Variants in MTNR1B observed in about 807,000 individuals in gnomAD.
MTNR1B encodes the protein melatonin receptor type 1B.
A neutral mutation model predicts 7.0 loss-of-function variants in MTNR1B; 7 were observed. The observed-to-expected ratio is 1.00, with a 90% CI of 0.57 to 1.88. The LOEUF is 1.88. MTNR1B is among the 40% of genes most tolerant of loss of function. The pLI is 0.00. For synonymous variants in MTNR1B, 226 were observed against 208.2 expected, an observed-to-expected ratio of 1.09 and a Z score of -0.74; for missense variants, 478 against 486.5, an observed-to-expected ratio of 0.98 and a Z score of 0.16.
downstream of MTNR1B, among the ~76,000 whole-genome samples, chr11:92,984,053 G>T (rs569218904): frequency 1.1e-4 from 17 of 152,260 alleles, no homozygotes; most frequent in South Asian, 3.5e-3. Context: ...GGAATATGTG[G>T]CAGGGACAAA....
chr11:92,972,379 T>C (rs1278151127), intron 1 of MTNR1B: 1 of 455,930 alleles, frequency 2.2e-6, no homozygotes, highest in Admixed American at 2.4e-5. Context: ...AGTTCCTCTA[T>C]GGAGCAGATC....
At position 92,981,924 on chromosome 11, in the gene MTNR1B, C is replaced by A. The variant is rs201744782; in HGVS notation, c.701C>A (p.Ala234Asp). The change falls in exon 2 of 2, where the codon GCC becomes GAC. Residue 234 changes from alanine to aspartate, a missense_variant. By Grantham distance (126) the Ala-to-Asp change is moderately radical. Transcript: ENST00000257068. ...CTGGTGCTTCAGGCCCGCAGGAAAG[C>A]CAAGCCAGAGAGCAGGCTGTGCCTG... ...WVLVLQARRK[A>D]KPESRLCLKP... The A allele has an allele frequency of 6.2e-7, 1 of 1,614,216 alleles. No individual in the cohort carries two copies. The highest frequency in any genetic ancestry group is 2.2e-5 in the East Asian group (1 of 44,874).
chr11:92,975,568 G>T (rs1857998688), intron 1 of MTNR1B, among the ~76,000 whole-genome samples: 1 of 152,192 alleles, frequency 6.6e-6, no homozygotes, highest in African/African-American at 2.4e-5. Context: ...GTAACTGCCT[G>T]GGAGGTTCCT....
At chr11:92,979,905 C>T (rs1415551382) in intron 1 of MTNR1B, among the ~76,000 whole-genome samples, 2 of 152,130 alleles carry the variant, frequency 1.3e-5, no homozygotes, top group Admixed American at 1.3e-4. Flanking sequence ...TTTTCCTACC[C>T]TTGTGGGTGA....
At position 92,982,408 on chromosome 11, in the gene MTNR1B, C is replaced by T. The variant is rs1858127532; in HGVS notation, c.*96C>T. ...AGACCAGGCAGCCTGCTGGGCCACACTGTCCTGTTGGCATCACAGCCCCAA... is the reference window on the plus strand; with the variant it reads ...AGACCAGGCAGCCTGCTGGGCCACATTGTCCTGTTGGCATCACAGCCCCAA... On this transcript the variant is annotated 3_prime_UTR_variant, in exon 2 of 2. Coordinates refer to ENST00000257068, the MANE Select transcript of MTNR1B (RefSeq NM_005959.5). The T allele has an allele frequency of 7.1e-7, 1 of 1,416,526 alleles. No individual in the cohort carries two copies. The allele number at this position is 1,416,526 out of a possible 1,614,324, so 87.7% of individuals were successfully genotyped here. A position where few individuals can be genotyped will look rare whatever the true frequency, so the allele number is the denominator to read the frequency against.
At position 92,969,824 on chromosome 11, in the gene MTNR1B, C is replaced by T; in HGVS notation, c.99C>T (p.Thr33=). 1 of 1,599,096 alleles carries T rather than the reference C, an allele frequency of 6.3e-7. No individual in the cohort carries two copies. Among genetic ancestry groups the T allele is most frequent in the Non-Finnish European group, 8.5e-7 (1 of 1,174,306 alleles). The change falls in exon 1 of 2, where the codon ACC becomes ACT. Residue 33 remains threonine, a synonymous_variant. Transcript: ENST00000257068. ...SGAGSARPSR[T]PRPPWVAPAL... is the part of the protein sequence containing the mutation. ...CTGGCAGCGCGCGGCCCTCCAGGAC[C>T]CCTCGACCTCCCTGGGTGGCTCCAG...
At chr11:92,973,346 T>TC (rs1275172864) in intron 1 of MTNR1B, among the ~76,000 whole-genome samples, 3 of 152,104 alleles carry the variant, frequency 2.0e-5, no homozygotes. Context: ...TCCTGCTCCC[T>TC]CCCCCAGCCA....
rs776714567 is a variant in MTNR1B, at chr11:92,981,481, C to T, written c.258C>T (p.Asp86=). The T allele has an allele frequency of 1.2e-6, 2 of 1,613,982 alleles. No homozygotes were observed. The highest frequency in any genetic ancestry group is 2.2e-5 in the South Asian group (2 of 91,068). The change falls in exon 2 of 2, where the codon GAC becomes GAT. Residue 86 remains aspartate (D), a synonymous_variant. Coordinates refer to ENST00000257068, the MANE Select transcript of MTNR1B (RefSeq NM_005959.5). ...NLFLVSLALA[D]LVVAFYPYPL... ...TCTTGGTGAGTCTGGCATTGGCTGA[C>T]CTGGTGGTGGCCTTCTACCCCTACC...
At chr11:92,984,144 A>G (rs1858162374), downstream of MTNR1B, among the ~76,000 whole-genome samples, 1 of 152,038 alleles carries the variant, frequency 6.6e-6, no homozygotes, top group Admixed American at 6.6e-5. Flanking sequence ...TGAAGAACCC[A>G]GGATTTTCTT....
intron 1 of MTNR1B, among the ~76,000 whole-genome samples, chr11:92,978,644 G>C (rs185460997): frequency 1.4e-4 from 22 of 152,288 alleles, no homozygotes; most frequent in African/African-American, 4.8e-4. Flanking sequence ...ATTTGGAATT[G>C]TGCCAAGAAA....
Position 92,969,759 on chromosome 11 carries a change from G to T in MTNR1B, c.34G>T (p.Glu12Ter), listed in dbSNP as rs1217966168. ...GAACGGCTCCTTCGCCAACTGCTGC[G>T]AGGCGGGCGGGTGGGCAGTGCGCCC... The part of the protein sequence containing the change: ...SENGSFANCC[E>*]AGGWAVRPGW... The change falls in exon 1 of 2, where the codon GAG (glutamate) becomes TAG (stop). Residue 12 changes from glutamate to a stop codon, truncating the protein, a stop_gained. Coordinates refer to ENST00000257068, the MANE Select transcript of MTNR1B (RefSeq NM_005959.5). LOFTEE classifies it high-confidence loss of function. 4.6e-6 allele frequency: 7 copies of T among 1,507,180 alleles called. No individual in the cohort carries two copies. The highest frequency in any genetic ancestry group is 6.2e-6 in the Non-Finnish European group (7 of 1,125,956). The allele number at this position is 1,507,180 out of a possible 1,614,324, so 93.4% of individuals were successfully genotyped here.
Position 92,981,783 on chromosome 11 carries a change from T to C in MTNR1B, c.560T>C (p.Ile187Thr). Residue 187 changes from isoleucine (I) to threonine (T), a missense_variant, in exon 2 of 2, where the codon ATC becomes ACC. Physicochemically the swap from Ile to Thr is moderately conservative, Grantham distance 89 (BLOSUM62 -1). Transcript: ENST00000257068. ...FVGSLEYDPR[I>T]YSCTFIQTAS... Reference sequence around the variant, plus strand: ...GGGTCCCTGGAGTACGACCCACGCATCTATTCCTGCACCTTCATCCAGACC... The same window carrying C: ...GGGTCCCTGGAGTACGACCCACGCACCTATTCCTGCACCTTCATCCAGACC... 1 of 1,614,192 alleles carries C rather than the reference T, an allele frequency of 6.2e-7. No individual in the cohort carries two copies. Among genetic ancestry groups the C allele is most frequent in the Non-Finnish European group, 8.5e-7 (1 of 1,180,048 alleles).
At chr11:92,970,646 C>G (rs1340715440) in intron 1 of MTNR1B, among the ~76,000 whole-genome samples, 1 of 152,248 alleles carries the variant, frequency 6.6e-6, no homozygotes, top group South Asian at 2.1e-4. Flanking sequence ...CTATTTCAAT[C>G]CACTCTCATT....
At chr11:92,973,289 C>T (rs1857962130) in intron 1 of MTNR1B, among the ~76,000 whole-genome samples, 1 of 152,108 alleles carries the variant, frequency 6.6e-6, no homozygotes, top group South Asian at 2.1e-4. Flanking sequence ...CACTTCATGC[C>T]TTCATCATCT....
In MTNR1B at chr11:92,969,744, T is replaced by A. The variant is rs191755162; in HGVS notation, c.19T>A (p.Phe7Ile). The change falls in exon 1 of 2, where the codon TTC becomes ATC. Residue 7 changes from phenylalanine to isoleucine, a missense_variant. Phe to Ile is a conservative substitution (Grantham distance 21). Coordinates refer to ENST00000257068, the MANE Select transcript of MTNR1B (RefSeq NM_005959.5). ...GTCTGCGATGTCAGAGAACGGCTCCTTCGCCAACTGCTGCGAGGCGGGCGG... is the reference window on the plus strand; with the variant it reads ...GTCTGCGATGTCAGAGAACGGCTCCATCGCCAACTGCTGCGAGGCGGGCGG... MSENGS[F>I]ANCCEAGGWA... 27 of 1,491,648 alleles carry A rather than the reference T, an allele frequency of 1.8e-5. No homozygotes were observed. The African/African-American group carries it at 3.1e-4, about 17-fold the overall frequency. 92.4% of individuals were successfully genotyped at this position (1,491,648 alleles called of 1,614,324 possible). A position where few individuals can be genotyped will look rare whatever the true frequency, so the allele number is the denominator to read the frequency against.
At chr11:92,972,604 G>T (rs560246065) in intron 1 of MTNR1B, 3 of 453,688 alleles carry the variant, frequency 6.6e-6, no homozygotes, top group Non-Finnish European at 1.3e-5. Context: ...AAGGCCAAGT[G>T]TGTTCACTCT....
At position 92,982,597 on chromosome 11, in the gene MTNR1B, G is replaced by A. The variant is rs985936374; in HGVS notation, c.*285G>A. 29 of 429,516 alleles carry A rather than the reference G, an allele frequency of 6.8e-5. No individual in the cohort carries two copies. Among genetic ancestry groups the A allele is most frequent in the Non-Finnish European group, 1.1e-4 (26 of 240,392 alleles). The allele number at this position is 429,516 out of a possible 1,614,324, so 26.6% of individuals were successfully genotyped here. On this transcript the variant is annotated 3_prime_UTR_variant, in exon 2 of 2. Transcript: ENST00000257068. The stretch of plus-strand genomic sequence containing the variant: ...GAAAGGACAGAATGAGGAAAGGCCT[G>A]GGGCAGAAGAGCCCAACTCCTTCTC...
rs1858132291 is a variant in MTNR1B at position 92,982,677 on chromosome 11, C to A, written c.*365C>A. The A allele has an allele frequency of 3.6e-6, 1 of 279,736 alleles. No individual in the cohort carries two copies. The highest frequency in any genetic ancestry group is 7.2e-5 in the East Asian group (1 of 13,800). 17.3% of individuals were successfully genotyped at this position (279,736 alleles called of 1,614,324 possible). A position where few individuals can be genotyped will look rare whatever the true frequency, so the allele number is the denominator to read the frequency against. ...CTCCTGGCTGCTTTCTCCCCTTCCC[C>A]CCAGCGTGGCAGGATCTCTTCCTGT... On this transcript the variant is annotated 3_prime_UTR_variant, in exon 2 of 2. Coordinates refer to ENST00000257068, the MANE Select transcript of MTNR1B (RefSeq NM_005959.5).
Position 92,982,526 on chromosome 11 carries a change from A to G in MTNR1B, c.*214A>G. The G allele has an allele frequency of 1.7e-6, 1 of 596,058 alleles. No homozygotes were observed. Among genetic ancestry groups the G allele is most frequent in the South Asian group, 2.2e-5 (1 of 46,298 alleles). The allele number at this position is 596,058 out of a possible 1,614,324, so 36.9% of individuals were successfully genotyped here. On this transcript the variant is annotated 3_prime_UTR_variant, in exon 2 of 2. Transcript: ENST00000257068. ...TGCTCACAGGCCACAGGACCTGGAAAACACTCTTGGTGGTGTCTTGGGGAT... is the reference window on the plus strand; with the variant it reads ...TGCTCACAGGCCACAGGACCTGGAAGACACTCTTGGTGGTGTCTTGGGGAT...
Sources: gnomAD v4.1 joint callset for allele counts (sites outside exome capture counted in the v4.1 genomes callset) on GRCh38, gnomAD v4.1.1 for gene constraint, MANE v1.5 for transcripts, NCBI Gene and HGNC (gene_info 2026-07-23, HGNC 2026-07-21) for gene names.